Variants in CEBPG observed in about 807,000 individuals in gnomAD.
CEBPG encodes the protein CCAAT enhancer binding protein gamma, also known as CCAAT/enhancer-binding protein gamma.
Under a neutral mutation model 11.1 loss-of-function variants are expected in CEBPG, and 6 were observed. That is an observed-to-expected ratio of 0.54 (90% CI 0.30 to 1.07). CEBPG has a LOEUF of 1.07. Among genes scored for constraint, CEBPG ranks in the 50% least tolerant of loss-of-function variants. CEBPG has a pLI of 0.07. For synonymous variants in CEBPG, 66 were observed against 71.0 expected (o/e 0.93, Z 0.36); for missense variants, 161 against 187.4 (o/e 0.86, Z 0.82).
rs1171867047 is a variant in CEBPG at position 33,379,998 on chromosome 19, G to A, written c.*306G>A. ...AATAAATCCTGACTTCCCAAGAAAT[G>A]CTTCTTTTTTAAGTTGACAAAAGGA... On this transcript the variant is annotated 3_prime_UTR_variant, in exon 2 of 2. Coordinates refer to ENST00000284000, the MANE Select transcript of CEBPG (RefSeq NM_001806.4). 4.0e-6 allele frequency: 1 copy of A among 247,356 alleles called. No individual in the cohort carries two copies. The highest frequency in any genetic ancestry group is 8.3e-6 in the Non-Finnish European group (1 of 120,908). The allele number at this position is 247,356 out of a possible 1,614,324, so 15.3% of individuals were successfully genotyped here.
Position 33,377,122 on chromosome 19 carries a change from C to A in CEBPG, c.-96-2022C>A, listed in dbSNP as rs570386360. ...AGAGGTGAAAAAGCCCTTCCCTGTT[C>A]CTGTATCTTTGGATACGGAAACAGG... is the stretch of plus-strand genomic sequence containing the variant. On this transcript the variant is annotated intron_variant, in intron 1 of 1. Coordinates refer to ENST00000284000, the MANE Select transcript of CEBPG (RefSeq NM_001806.4). Among the ~76,000 whole-genome samples, 4 of 152,280 alleles carry A rather than the reference C, an allele frequency of 2.6e-5. No individual in the cohort carries two copies. In the East Asian group the frequency reaches 7.7e-4, roughly 29 times the overall value.
At chr19:33,375,170 A>G (rs761226688) in intron 1 of CEBPG, among the ~76,000 whole-genome samples, 21 of 152,366 alleles carry the variant, frequency 1.4e-4, no homozygotes, top group Non-Finnish European at 2.8e-4. Flanking sequence ...TTTTAAAAAA[A>G]GTAGATGGAA....
intron 1 of CEBPG, among the ~76,000 whole-genome samples, chr19:33,376,014 G>A (rs1967907271): frequency 6.6e-6 from 1 of 152,140 alleles, no homozygotes; most frequent in South Asian, 2.1e-4. Flanking sequence ...AGTGGCCTAA[G>A]GTGATTTCGA....
Position 33,379,823 on chromosome 19 carries a change from G to A in CEBPG, c.*131G>A, listed in dbSNP as rs2145312419. 1 of 794,552 alleles carries A rather than the reference G, an allele frequency of 1.3e-6. No individual in the cohort carries two copies. 49.2% of individuals were successfully genotyped at this position (794,552 alleles called of 1,614,324 possible). ...AGACCCATTGGAGGCTATTTTCTGGGATCAGCACTGAAGAGTTGATTAGCT... is the reference window on the plus strand; with the variant it reads ...AGACCCATTGGAGGCTATTTTCTGGAATCAGCACTGAAGAGTTGATTAGCT... On this transcript the variant is annotated 3_prime_UTR_variant, in exon 2 of 2. Coordinates refer to ENST00000284000, the MANE Select transcript of CEBPG (RefSeq NM_001806.4).
At chr19:33,376,959 AT>A (rs1330849503) in intron 1 of CEBPG, among the ~76,000 whole-genome samples, 4 of 152,168 alleles carry the variant, frequency 2.6e-5, no homozygotes, top group Non-Finnish European at 5.9e-5. Flanking sequence ...AGTTATTTTG[AT>A]TATCTCCAAG....
rs1442649110 is a variant in CEBPG at position 33,382,362 on chromosome 19, A to C, written c.*2670A>C. Reference sequence around the variant, plus strand: ...TTACATAAAAAGTAGAAGTATAGACAGTTTAACATTTGGTATTAAAGGAGA... The same window carrying C: ...TTACATAAAAAGTAGAAGTATAGACCGTTTAACATTTGGTATTAAAGGAGA... On this transcript the variant is annotated 3_prime_UTR_variant, in exon 2 of 2. Transcript: ENST00000284000. 3 of 167,156 alleles carry C rather than the reference A, an allele frequency of 1.8e-5. No homozygotes were observed. Among genetic ancestry groups the C allele is most frequent in the Non-Finnish European group, 4.4e-5 (3 of 68,128 alleles). 10.4% of individuals were successfully genotyped at this position (167,156 alleles called of 1,614,324 possible).
At position 33,382,165 on chromosome 19, in the gene CEBPG, A is replaced by T. The variant is rs1967998238; in HGVS notation, c.*2473A>T. 6.0e-6 allele frequency: 1 copy of T among 167,120 alleles called. No homozygotes were observed. The highest frequency in any genetic ancestry group is 2.4e-5 in the African/African-American group (1 of 41,450). The allele number at this position is 167,120 out of a possible 1,614,324, so 10.4% of individuals were successfully genotyped here. Reference sequence around the variant, plus strand: ...TCTAGCTGCATCTGAGTCTCCTGGGATGGGTGCTCTTTGGCTGGTTTTGGC... The same window carrying T: ...TCTAGCTGCATCTGAGTCTCCTGGGTTGGGTGCTCTTTGGCTGGTTTTGGC... On this transcript the variant is annotated 3_prime_UTR_variant, in exon 2 of 2. Transcript: ENST00000284000.
At position 33,379,757 on chromosome 19, in the gene CEBPG, C is replaced by T; in HGVS notation, c.*65C>T. On this transcript the variant is annotated 3_prime_UTR_variant, in exon 2 of 2. Transcript: ENST00000284000. ...GTTAAAGGTGTGACCACCGACACCACTCATGTCAATGGCTGAAAGTTGTCC... is the reference window on the plus strand; with the variant it reads ...GTTAAAGGTGTGACCACCGACACCATTCATGTCAATGGCTGAAAGTTGTCC... 7.0e-7 allele frequency: 1 copy of T among 1,420,670 alleles called. No individual in the cohort carries two copies. Among genetic ancestry groups the T allele is most frequent in the Non-Finnish European group, 9.5e-7 (1 of 1,048,730 alleles). 88.0% of individuals were successfully genotyped at this position (1,420,670 alleles called of 1,614,324 possible).
intron 1 of CEBPG, among the ~76,000 whole-genome samples, chr19:33,376,288 C>G (rs568055485): frequency 2.6e-5 from 4 of 152,232 alleles, no homozygotes; most frequent in South Asian, 2.1e-4. Context: ...CCAGGTGAAA[C>G]TTGAGAAAAA....
chr19:33,381,859 C>G lies in CEBPG; in HGVS notation c.*2167C>G, dbSNP rs538235868. ...AGCTTTCCTATTAGCCATGGAAATG[C>G]AAAGTTTAGCAGAAGCAAGCAATTA... On this transcript the variant is annotated 3_prime_UTR_variant, in exon 2 of 2. Transcript: ENST00000284000. The G allele has an allele frequency of 1.2e-5, 2 of 167,162 alleles. No homozygotes were observed. Among genetic ancestry groups the G allele is most frequent in the African/African-American group, 4.8e-5 (2 of 41,574 alleles). The allele number at this position is 167,162 out of a possible 1,614,324, so 10.4% of individuals were successfully genotyped here.
rs1967990896 is a variant in CEBPG at position 33,381,653 on chromosome 19, C to G, written c.*1961C>G. On this transcript the variant is annotated 3_prime_UTR_variant, in exon 2 of 2. Transcript: ENST00000284000. ...GTCACTTGAATGTATAAGCAAGCAC[C>G]TATGGTAGGCGCTACAGACATTTAA... 1 of 167,060 alleles carries G rather than the reference C, an allele frequency of 6.0e-6. No homozygotes were observed. Among genetic ancestry groups the G allele is most frequent in the Admixed American group, 6.5e-5 (1 of 15,286 alleles). The allele number at this position is 167,060 out of a possible 1,614,324, so 10.3% of individuals were successfully genotyped here. A position where few individuals can be genotyped will look rare whatever the true frequency, so the allele number is the denominator to read the frequency against.
chr19:33,379,442 G>T lies in CEBPG; in HGVS notation c.203G>T (p.Arg68Leu). ...CGAAACAGTGACGAGTATCGGCAACGCCGAGAGAGGAACAACATGGCTGTG... is the reference window on the plus strand; with the variant it reads ...CGAAACAGTGACGAGTATCGGCAACTCCGAGAGAGGAACAACATGGCTGTG... ...MDRNSDEYRQ[R>L]RERNNMAVKK... is the part of the protein sequence containing the mutation. Residue 68 changes from arginine to leucine, a missense_variant, in exon 2 of 2, where the codon CGC (arginine) becomes CTC (leucine). Coordinates refer to ENST00000284000, the MANE Select transcript of CEBPG (RefSeq NM_001806.4). 1.2e-6 allele frequency: 2 copies of T among 1,614,068 alleles called. No individual in the cohort carries two copies. Among genetic ancestry groups the T allele is most frequent in the Non-Finnish European group, 1.7e-6 (2 of 1,180,032 alleles).
Position 33,380,257 on chromosome 19 carries a change from T to C in CEBPG, c.*565T>C, listed in dbSNP as rs1967968564. On this transcript the variant is annotated 3_prime_UTR_variant, in exon 2 of 2. Coordinates refer to ENST00000284000, the MANE Select transcript of CEBPG (RefSeq NM_001806.4). ...ACTGTTTTCCCCCAAAAGTACAAGT[T>C]TTTGAGTAGCAATGTCAGGTTAAGT... 6.0e-6 allele frequency: 1 copy of C among 167,076 alleles called. No homozygotes were observed. Among genetic ancestry groups the C allele is most frequent in the Non-Finnish European group, 1.5e-5 (1 of 68,140 alleles). 10.3% of individuals were successfully genotyped at this position (167,076 alleles called of 1,614,324 possible).
rs1437309405 is a variant in CEBPG at position 33,380,750 on chromosome 19, A to C, written c.*1058A>C. 3 of 166,842 alleles carry C rather than the reference A, an allele frequency of 1.8e-5. No homozygotes were observed. The highest frequency in any genetic ancestry group is 4.4e-5 in the Non-Finnish European group (3 of 68,126). The allele number at this position is 166,842 out of a possible 1,614,324, so 10.3% of individuals were successfully genotyped here. A position where few individuals can be genotyped will look rare whatever the true frequency, so the allele number is the denominator to read the frequency against. On this transcript the variant is annotated 3_prime_UTR_variant, in exon 2 of 2. Transcript: ENST00000284000. ...TGTATCAACTCCATGCCATCTCCCA[A>C]AATAATTGTCTAAGAAAACTTGAAA...
In CEBPG at chr19:33,379,688, A is replaced by T; in HGVS notation, c.449A>T (p.Gln150Leu). The change falls in exon 2 of 2, where the codon CAG becomes CTG. Residue 150 changes from glutamine (Q) to leucine (L), a missense_variant. By Grantham distance (113) the Gln-to-Leu change is moderately radical (BLOSUM62 -2). Coordinates refer to ENST00000284000, the MANE Select transcript of CEBPG (RefSeq NM_001806.4). ...NTTADGDNAG[Q>L] Reference sequence around the variant, plus strand: ...ACAGCAGATGGCGACAATGCAGGACAGTAGACCTCACCCTTTCCAGACTTT... The same window carrying T: ...ACAGCAGATGGCGACAATGCAGGACTGTAGACCTCACCCTTTCCAGACTTT... 1.2e-6 allele frequency: 2 copies of T among 1,604,308 alleles called. No homozygotes were observed. The highest frequency in any genetic ancestry group is 1.7e-6 in the Non-Finnish European group (2 of 1,173,088).
At chr19:33,378,525 A>C (rs547762333) in intron 1 of CEBPG, among the ~76,000 whole-genome samples, 1 of 152,200 alleles carries the variant, frequency 6.6e-6, no homozygotes, top group African/African-American at 2.4e-5. Flanking sequence ...CAAGAAACTG[A>C]CTCAGTAAAT....
At chr19:33,378,609 G>A (rs1967942491) in intron 1 of CEBPG, among the ~76,000 whole-genome samples, 1 of 152,122 alleles carries the variant, frequency 6.6e-6, no homozygotes, top group Non-Finnish European at 1.5e-5. Flanking sequence ...CAAAATATCC[G>A]ATGAAGAGAG....
In CEBPG at chr19:33,380,811, A is replaced by G. The variant is rs995356394; in HGVS notation, c.*1119A>G. On this transcript the variant is annotated 3_prime_UTR_variant, in exon 2 of 2. Coordinates refer to ENST00000284000, the MANE Select transcript of CEBPG (RefSeq NM_001806.4). ...TTAACCTTTAATTTATTTCTCTTAA[A>G]TACATCTTTTGATATTGTTGTTGTG... 1 of 166,934 alleles carries G rather than the reference A, an allele frequency of 6.0e-6. No individual in the cohort carries two copies. The highest frequency in any genetic ancestry group is 2.4e-5 in the African/African-American group (1 of 41,456). 10.3% of individuals were successfully genotyped at this position (166,934 alleles called of 1,614,324 possible). A position where few individuals can be genotyped will look rare whatever the true frequency, so the allele number is the denominator to read the frequency against.
chr19:33,377,639 G>T (rs958328159), intron 1 of CEBPG, among the ~76,000 whole-genome samples: 8 of 152,148 alleles, frequency 5.3e-5, no homozygotes, highest in South Asian at 2.1e-4. Context: ...AGAAAAATGA[G>T]GCAACCTAAT....
Sources: allele counts gnomAD v4.1 joint callset (sites outside exome capture counted in the v4.1 genomes callset), GRCh38; gene constraint gnomAD v4.1.1; transcripts MANE v1.5; gene names NCBI Gene and HGNC (gene_info 2026-07-23, HGNC 2026-07-21).